The following RBFOX1 variants were observed in gnomAD, a reference collection of about 807,000 sequenced individuals.
The protein encoded by RBFOX1 is RNA binding fox-1 homolog 1, also known as RNA binding protein fox-1 homolog 1.
In RBFOX1, 8 loss-of-function variants were observed where a neutral mutation model predicts 57.7. The ratio of observed to expected loss-of-function variants is 0.14; its 90% CI spans 0.08 to 0.25. RBFOX1 has a LOEUF of 0.25. Among genes scored for constraint, RBFOX1 ranks in the 10% least tolerant of loss-of-function variants. The pLI, the probability that RBFOX1 is intolerant of heterozygous loss-of-function variation, is 1.00. For missense variants in RBFOX1, 611 were observed against 548.5 expected (o/e 1.11, Z -1.14); for synonymous variants, 326 against 222.4 (o/e 1.47, Z -4.15).
chr16:6,989,376 A>G (rs891803878), intron 3 of RBFOX1, among the ~76,000 whole-genome samples: 1 of 152,204 alleles, frequency 6.6e-6, no homozygotes, highest in Non-Finnish European at 1.5e-5. Flanking sequence ...TTTATTAAAC[A>G]GCATTATATA....
intron 1 of RBFOX1, among the ~76,000 whole-genome samples, chr16:6,061,116 C>T (rs967031170): frequency 2.0e-5 from 3 of 152,288 alleles, no homozygotes; most frequent in African/African-American, 4.8e-5. Context: ...TTTCAGAAGT[C>T]ACCCCTAGTC....
intron 4 of RBFOX1, among the ~76,000 whole-genome samples, chr16:7,440,750 C>A (rs1051524505): frequency 1.3e-5 from 2 of 152,070 alleles, no homozygotes; most frequent in East Asian, 3.9e-4. Context: ...GGAAATGAAA[C>A]CCAGGGCTTT....
intron 2 of RBFOX1, among the ~76,000 whole-genome samples, chr16:6,561,755 C>T (rs192193626): frequency 1.4e-3 from 211 of 152,250 alleles, no homozygotes; most frequent in African/African-American, 4.9e-3. Context: ...TTATTGGTAA[C>T]ATAATATGGC....
At chr16:5,958,199 G>A (rs566446961) in intron 4 of RBFOX1, among the ~76,000 whole-genome samples, 1 of 152,278 alleles carries the variant, frequency 6.6e-6, no homozygotes, top group Non-Finnish European at 1.5e-5. Flanking sequence ...TTATCAAAGG[G>A]GTGCTATAAA....
intron 3 of RBFOX1, among the ~76,000 whole-genome samples, chr16:6,780,520 T>TTA (rs1204945162): frequency 8.6e-6 from 1 of 115,894 alleles, no homozygotes; most frequent in Admixed American, 1.1e-4. Context: ...ATATATACAT[T>TTA]TATATATATT....
At chr16:7,435,518 G>A (rs138605828) in intron 4 of RBFOX1, among the ~76,000 whole-genome samples, 3 of 152,322 alleles carry the variant, frequency 2.0e-5, no homozygotes, top group Non-Finnish European at 4.4e-5. Context: ...GACACTTACG[G>A]GTGAGGTGTT....
chr16:5,926,577 C>T (rs1007478205), intron 4 of RBFOX1, among the ~76,000 whole-genome samples: 17 of 152,204 alleles, frequency 1.1e-4, no homozygotes, highest in Admixed American at 2.0e-4. Context: ...ACCTCAGACT[C>T]GTAACTCGTT....
At chr16:6,755,371 C>G (rs1477628452) in intron 3 of RBFOX1, among the ~76,000 whole-genome samples, 1 of 152,098 alleles carries the variant, frequency 6.6e-6, no homozygotes, top group African/African-American at 2.4e-5. Context: ...CCTGTTGTTT[C>G]CTGACTTTTT....
At chr16:6,845,028 GT>G (rs1389178980) in intron 3 of RBFOX1, among the ~76,000 whole-genome samples, 2 of 152,024 alleles carry the variant, frequency 1.3e-5, no homozygotes, top group Non-Finnish European at 2.9e-5. Flanking sequence ...TTTTCATGGG[GT>G]TATGTTTTTC....
intron 4 of RBFOX1, among the ~76,000 whole-genome samples, chr16:7,069,980 A>C (rs77524300): frequency 2.2e-4 from 33 of 152,308 alleles, no homozygotes; most frequent in Non-Finnish European, 4.4e-4. Flanking sequence ...CCATCAAGTA[A>C]GGTTTTCTGA....
At chr16:6,417,117 T>G (rs112781701) in intron 2 of RBFOX1, among the ~76,000 whole-genome samples, 1 of 152,154 alleles carries the variant, frequency 6.6e-6, no homozygotes, top group Non-Finnish European at 1.5e-5. Flanking sequence ...GTTCAAGCGA[T>G]TCTCCTGCCT....
intron 3 of RBFOX1, among the ~76,000 whole-genome samples, chr16:6,899,843 G>T (rs551197274): frequency 6.6e-6 from 1 of 152,156 alleles, no homozygotes; most frequent in African/African-American, 2.4e-5. Context: ...GGAGCATTTC[G>T]TTAGTAAATA....
At chr16:5,791,876 T>C (rs1352113435) in intron 3 of RBFOX1, among the ~76,000 whole-genome samples, 2 of 152,226 alleles carry the variant, frequency 1.3e-5, no homozygotes, top group East Asian at 1.9e-4. Flanking sequence ...CAATTGTCAC[T>C]GTCATCCTTA....
chr16:7,499,843 T>A (rs753437865), intron 4 of RBFOX1, among the ~76,000 whole-genome samples: 1 of 151,748 alleles, frequency 6.6e-6, no homozygotes, highest in Non-Finnish European at 1.5e-5. Flanking sequence ...TATCCTAAGT[T>A]GCACACAATT....
At chr16:6,777,179 GC>G (rs2079525008) in intron 3 of RBFOX1, among the ~76,000 whole-genome samples, 1 of 152,038 alleles carries the variant, frequency 6.6e-6, no homozygotes, top group Non-Finnish European at 1.5e-5. Flanking sequence ...TATTTTCTGA[GC>G]TTTAGAAAAG....
chr16:5,350,094 T>C (rs1453313509), intron 1 of RBFOX1, among the ~76,000 whole-genome samples: 1 of 152,214 alleles, frequency 6.6e-6, no homozygotes, highest in African/African-American at 2.4e-5. Context: ...GTGGGATCTT[T>C]TAATATTCAA....
intron 4 of RBFOX1, among the ~76,000 whole-genome samples, chr16:7,173,716 A>T (rs1416016478): frequency 1.3e-5 from 2 of 152,184 alleles, no homozygotes; most frequent in East Asian, 3.9e-4. Context: ...TATTTTAATC[A>T]TCTGTAAAGA....
At chr16:5,884,864 G>A (rs11859536) in intron 4 of RBFOX1, among the ~76,000 whole-genome samples, 252 of 152,204 alleles carry the variant, frequency 1.7e-3, no homozygotes, top group African/African-American at 5.7e-3. Context: ...AGTGTGGCAC[G>A]AGCTTGGAGT....
chr16:5,850,584 C>T (rs1160570570), intron 3 of RBFOX1, among the ~76,000 whole-genome samples: 1 of 152,184 alleles, frequency 6.6e-6, no homozygotes, highest in Non-Finnish European at 1.5e-5. Context: ...GACACCTCTG[C>T]ATGTTTACTC....
Sources: allele counts gnomAD v4.1 joint callset (sites outside exome capture counted in the v4.1 genomes callset), GRCh38; gene constraint gnomAD v4.1.1; transcripts MANE v1.5; gene names NCBI Gene and HGNC (gene_info 2026-07-23, HGNC 2026-07-21).